USP34: variants seen among roughly 807,000 people sequenced by gnomAD.
USP34 encodes the protein ubiquitin carboxyl-terminal hydrolase 34.
Under a neutral mutation model 460.3 loss-of-function variants are expected in USP34, and 70 were observed. The observed-to-expected ratio is 0.15, with a 90% confidence interval of 0.13 to 0.19. The LOEUF (loss-of-function observed/expected upper bound fraction) is 0.19. Ranked by LOEUF, USP34 falls within the 10% of genes least tolerant of loss-of-function variation. The probability of loss-of-function intolerance (pLI) is 1.00; values close to 1 mark genes in which losing one functional copy is unlikely to be tolerated. For missense variants in USP34, 3,985 were observed against 4,236.2 expected (o/e 0.94, Z 1.65); for synonymous variants, 1,647 against 1,405.3 (o/e 1.17, Z -3.85).
At chr2:61,190,063 T>C (rs80306285) in intron 78 of USP34, 8,008 of 480,598 alleles carry the variant, frequency 0.017, 87 homozygotes, top group Non-Finnish European at 0.022. Flanking sequence ...CATTTAATGA[T>C]ACCAGCTTGT....
At chr2:61,326,340 T>TGGGATTACAAGCTAATCCCAGCTA (rs1462158591) in intron 20 of USP34, among the ~76,000 whole-genome samples, 1 of 152,120 alleles carries the variant, frequency 6.6e-6, no homozygotes, top group East Asian at 1.9e-4. Context: ...CCGGAGTAGC[T>TGGGATTACAAGCTAATCCCAGCTA]GGGATTACAA....
chr2:61,280,628 T>C (rs1689506603), intron 38 of USP34, among the ~76,000 whole-genome samples: 1 of 152,144 alleles, frequency 6.6e-6, no homozygotes, highest in African/African-American at 2.4e-5. Context: ...AACAACACAC[T>C]GAATTTCTGG....
intron 3 of USP34, among the ~76,000 whole-genome samples, chr2:61,401,384 T>A (rs1693713831): frequency 6.7e-6 from 1 of 150,036 alleles, no homozygotes; most frequent in African/African-American, 2.5e-5. Flanking sequence ...ACTACAGGCG[T>A]GCACCACTAC....
intron 25 of USP34, among the ~76,000 whole-genome samples, chr2:61,313,565 G>A (rs952610515): frequency 7.9e-5 from 12 of 152,028 alleles, no homozygotes; most frequent in African/African-American, 2.9e-4. Context: ...TTTATAATAC[G>A]TATTAATTAA....
intron 37 of USP34, among the ~76,000 whole-genome samples, chr2:61,282,068 C>A (rs1448531175): frequency 6.6e-6 from 1 of 152,208 alleles, no homozygotes; most frequent in Non-Finnish European, 1.5e-5. Context: ...TGGCTCACTG[C>A]AACCTCTGCC....
At chr2:61,268,620 A>G (rs1689124301) in intron 41 of USP34, among the ~76,000 whole-genome samples, 2 of 152,032 alleles carry the variant, frequency 1.3e-5, no homozygotes, top group South Asian at 4.1e-4. Context: ...CGCAAAATGA[A>G]CTAATACAGC....
intron 10 of USP34, among the ~76,000 whole-genome samples, chr2:61,363,253 A>T (rs2103817727): frequency 6.6e-6 from 1 of 152,336 alleles, no homozygotes; most frequent in East Asian, 1.9e-4. Flanking sequence ...CTCTGGTATC[A>T]CTGGTGAGAA....
intron 41 of USP34, among the ~76,000 whole-genome samples, chr2:61,267,477 C>CT (rs1222029754): frequency 1.3e-5 from 2 of 149,728 alleles, no homozygotes; most frequent in African/African-American, 4.9e-5. Flanking sequence ...GAATCTCACT[C>CT]TGTCACCTGG....
Position 61,288,812 on chromosome 2 carries a change from A to G in USP34, c.4614T>C (p.Asp1538=), listed in dbSNP as rs1689766017. Residue 1538 remains aspartate, a synonymous_variant, in exon 34 of 80, where the codon GAT becomes GAC. Transcript: ENST00000398571. ...LICQFAVDPS[D]LDLAYHDVFA... is the part of the protein sequence containing the mutation. ...AGACATCATGATAAGCTAAATCCAA[A>G]TCGGATGGATCTACTGCAAACTGGC... The G allele has an allele frequency of 6.2e-7, 1 of 1,613,876 alleles. No homozygotes were observed. The highest frequency in any genetic ancestry group is 8.5e-7 in the Non-Finnish European group (1 of 1,179,938).
intron 1 of USP34, among the ~76,000 whole-genome samples, chr2:61,446,817 C>A (rs887747115): frequency 6.6e-6 from 1 of 151,108 alleles, no homozygotes; most frequent in East Asian, 2.0e-4. Flanking sequence ...AAAAAAATTC[C>A]ACTGATCTAC....
chr2:61,383,400 A>C (rs1377186375), intron 5 of USP34, 64 bp from the exon 6 acceptor site: 1 of 1,268,440 alleles, frequency 7.9e-7, no homozygotes, highest in East Asian at 2.4e-5. Flanking sequence ...TCTTTCACTA[A>C]ACTAATGAAA....
chr2:61,229,466 AAAAAAAAAAC>A (rs1687825052), intron 59 of USP34, 72 bp downstream of exon 59: 16 of 646,636 alleles, frequency 2.5e-5, no homozygotes, highest in South Asian at 2.3e-4. Flanking sequence ...TTAAAAAAAA[AAAAAAAAAAC>A]AAAAAAAAAA....
intron 3 of USP34, among the ~76,000 whole-genome samples, chr2:61,402,312 C>T (rs1406204592): frequency 3.3e-5 from 5 of 151,936 alleles, no homozygotes; most frequent in Admixed American, 1.3e-4. Flanking sequence ...TAGGCCATTC[C>T]CCCTTTTGAT....
intron 51 of USP34, among the ~76,000 whole-genome samples, chr2:61,243,385 G>T (rs192761072): frequency 1.4e-3 from 210 of 151,204 alleles, no homozygotes; most frequent in African/African-American, 4.8e-3. Context: ...GACCTCAGGT[G>T]ATCCACCTGC....
chr2:61,339,782 T>C (rs1383190168), intron 16 of USP34, 101 bp from the exon 17 acceptor site: 2 of 547,384 alleles, frequency 3.7e-6, no homozygotes, highest in Non-Finnish European at 5.8e-6. Context: ...ACACGATATT[T>C]TTCTCAGATC....
At chr2:61,248,791 G>C (rs757453922) in intron 48 of USP34, 108 bp from the exon 49 acceptor site, 32 of 1,049,222 alleles carry the variant, frequency 3.0e-5, no homozygotes, top group Non-Finnish European at 4.0e-5. Flanking sequence ...GAGTTAAGAA[G>C]TATAGTAGTT....
chr2:61,322,642 C>A (rs917037549), intron 21 of USP34, among the ~76,000 whole-genome samples: 1 of 152,052 alleles, frequency 6.6e-6, no homozygotes, highest in Non-Finnish European at 1.5e-5. Context: ...GATGAAATGA[C>A]AAAATACAGA....
In USP34 at chr2:61,319,155, T is replaced by G; in HGVS notation, c.3168+18A>C. 6.5e-7 allele frequency: 1 copy of G among 1,536,332 alleles called. No individual in the cohort carries two copies. The highest frequency in any genetic ancestry group is 8.7e-7 in the Non-Finnish European group (1 of 1,150,838). On this transcript the variant is annotated intron_variant, in intron 22 of 79. Coordinates refer to ENST00000398571, the MANE Select transcript of USP34 (RefSeq NM_014709.4). ...GGAACATGGAAAAATAATAACAAAC[T>G]GAGAGAAATGTAATTACCTTCTCCA... is the stretch of plus-strand genomic sequence containing the variant.
chr2:61,261,713 G>GC (rs1456218888), intron 43 of USP34, among the ~76,000 whole-genome samples: 1 of 152,186 alleles, frequency 6.6e-6, no homozygotes, highest in East Asian at 1.9e-4. Flanking sequence ...CTTCATGTGA[G>GC]CATCAGAAAA....
Sources: allele counts gnomAD v4.1 joint callset (sites outside exome capture counted in the v4.1 genomes callset), GRCh38; gene constraint gnomAD v4.1.1; transcripts MANE v1.5; gene names NCBI Gene and HGNC (gene_info 2026-07-23, HGNC 2026-07-21).